XPR1: variants seen among roughly 807,000 people sequenced by gnomAD.
The protein encoded by XPR1 is solute carrier family 53 member 1.
In XPR1, 28 loss-of-function variants were observed where a neutral mutation model predicts 87.5. The ratio of observed to expected loss-of-function variants is 0.32; its 90% CI spans 0.24 to 0.44. The LOEUF (loss-of-function observed/expected upper bound fraction) is 0.44, where lower values mean the gene tolerates loss of function less well. Ranked by LOEUF, XPR1 falls within the 20% of genes least tolerant of loss-of-function variation. XPR1 has a pLI of 1.00. For synonymous variants in XPR1, 300 were observed against 306.1 expected, an observed-to-expected ratio of 0.98 and a Z score of 0.21; for missense variants, 559 against 862.3, an observed-to-expected ratio of 0.65 and a Z score of 4.41.
At chr1:180,674,107 A>G (rs1373132776) in intron 1 of XPR1, among the ~76,000 whole-genome samples, 3 of 152,210 alleles carry the variant, frequency 2.0e-5, no homozygotes, top group Admixed American at 6.5e-5. Context: ...CATGAATCAA[A>G]CTTAATATTG....
At chr1:180,703,305 G>A (rs1488479443) in intron 2 of XPR1, among the ~76,000 whole-genome samples, 1 of 152,130 alleles carries the variant, frequency 6.6e-6, no homozygotes, top group Non-Finnish European at 1.5e-5. Flanking sequence ...AGCAGTGGTG[G>A]TGATGGGTGG....
At chr1:180,844,008 C>T (rs199500426) in intron 11 of XPR1, among the ~76,000 whole-genome samples, 2 of 151,910 alleles carry the variant, frequency 1.3e-5, no homozygotes, top group Non-Finnish European at 2.9e-5. Context: ...GTCAGGAGTT[C>T]GAGACCAGCC....
chr1:180,669,968 G>A (rs1010931582), intron 1 of XPR1, among the ~76,000 whole-genome samples: 2 of 152,070 alleles, frequency 1.3e-5, no homozygotes, highest in Non-Finnish European at 2.9e-5. Context: ...TGTATGAGGG[G>A]TGACTACTGT....
intron 12 of XPR1, among the ~76,000 whole-genome samples, chr1:180,864,296 C>T (rs1050126172): frequency 6.6e-6 from 1 of 152,126 alleles, no homozygotes; most frequent in African/African-American, 2.4e-5. Flanking sequence ...TTACTTTCTC[C>T]AAGAAGCCTT....
intron 7 of XPR1, among the ~76,000 whole-genome samples, chr1:180,815,895 T>G (rs1650390302): frequency 6.6e-6 from 1 of 152,196 alleles, no homozygotes; most frequent in South Asian, 2.1e-4. Flanking sequence ...TTAAGCCGTT[T>G]TGTTTCTAGA....
At chr1:180,852,605 A>G (rs370871560) in intron 11 of XPR1, among the ~76,000 whole-genome samples, 39 of 152,264 alleles carry the variant, frequency 2.6e-4, no homozygotes, top group Non-Finnish European at 4.3e-4. Flanking sequence ...CAGGAGTGCA[A>G]TGGTGTAATC....
intron 2 of XPR1, among the ~76,000 whole-genome samples, chr1:180,734,267 A>C (rs1007616004): frequency 2.6e-5 from 4 of 152,220 alleles, no homozygotes; most frequent in Non-Finnish European, 5.9e-5. Flanking sequence ...GCAGGGAAGA[A>C]GGCTTTAATC....
intron 7 of XPR1, 67 bp from the exon 8 acceptor site, chr1:180,824,686 C>A: frequency 7.2e-7 from 1 of 1,379,960 alleles, no homozygotes; most frequent in African/African-American, 1.5e-5. Context: ...AGAATGAAGA[C>A]AAAAGATTAT....
chr1:180,718,241 G>A (rs1658063440), intron 2 of XPR1, among the ~76,000 whole-genome samples: 1 of 152,134 alleles, frequency 6.6e-6, no homozygotes, highest in Non-Finnish European at 1.5e-5. Flanking sequence ...CAATACATGG[G>A]AATGGGTTTG....
At chr1:180,863,416 C>T (rs139109846) in intron 11 of XPR1, among the ~76,000 whole-genome samples, 1 of 152,272 alleles carries the variant, frequency 6.6e-6, no homozygotes, top group African/African-American at 2.4e-5. Context: ...TAACATTCGA[C>T]GCCTTCATTG....
At chr1:180,640,288 T>G (rs1167410705) in intron 1 of XPR1, among the ~76,000 whole-genome samples, 1 of 152,192 alleles carries the variant, frequency 6.6e-6, no homozygotes, top group Non-Finnish European at 1.5e-5. Flanking sequence ...TAACAGCAGC[T>G]GTTATTTTTT....
intron 2 of XPR1, among the ~76,000 whole-genome samples, chr1:180,725,361 A>G (rs10914082): frequency 0.043 from 6,552 of 152,230 alleles, 505 homozygotes; most frequent in African/African-American, 0.15. Flanking sequence ...GTATAGGGAC[A>G]GGGAGTAAAG....
chr1:180,791,496 C>T (rs761187305), intron 3 of XPR1, among the ~76,000 whole-genome samples: 5 of 152,002 alleles, frequency 3.3e-5, no homozygotes, highest in Non-Finnish European at 5.9e-5. Flanking sequence ...AGGGTGGTCT[C>T]GAACTCCTGA....
intron 6 of XPR1, among the ~76,000 whole-genome samples, chr1:180,809,759 T>C (rs1303899178): frequency 6.6e-6 from 1 of 152,196 alleles, no homozygotes; most frequent in Non-Finnish European, 1.5e-5. Flanking sequence ...ATAGTAGTTA[T>C]AGATTCACTT....
chr1:180,690,290 C>T (rs1270475559), intron 2 of XPR1, among the ~76,000 whole-genome samples: 1 of 151,988 alleles, frequency 6.6e-6, no homozygotes, highest in Non-Finnish European at 1.5e-5. Flanking sequence ...GGTGAATTTA[C>T]ACCAGTTCCT....
intron 2 of XPR1, among the ~76,000 whole-genome samples, chr1:180,709,404 A>C (rs1032527216): frequency 3.3e-5 from 5 of 152,218 alleles, no homozygotes; most frequent in African/African-American, 1.2e-4. Flanking sequence ...GAACATATCC[A>C]TCACCCCCAA....
intron 13 of XPR1, among the ~76,000 whole-genome samples, chr1:180,876,845 C>T (rs1652680445): frequency 6.6e-6 from 1 of 152,210 alleles, no homozygotes; most frequent in African/African-American, 2.4e-5. Flanking sequence ...AGTGTGTCTG[C>T]TGTTCCCACT....
intron 2 of XPR1, among the ~76,000 whole-genome samples, chr1:180,756,884 G>C (rs891991545): frequency 6.6e-6 from 1 of 152,126 alleles, no homozygotes; most frequent in African/African-American, 2.4e-5. Context: ...ATATTCAGTT[G>C]TCCCACCACC....
chr1:180,796,514 T>C (rs1362826263), intron 3 of XPR1, among the ~76,000 whole-genome samples: 1 of 152,156 alleles, frequency 6.6e-6, no homozygotes, highest in Admixed American at 6.6e-5. Flanking sequence ...AAATGTTGAT[T>C]TCTTCATCAT....
Sources: allele counts gnomAD v4.1 joint callset (sites outside exome capture counted in the v4.1 genomes callset), GRCh38; gene constraint gnomAD v4.1.1; transcripts MANE v1.5; gene names NCBI Gene and HGNC (gene_info 2026-07-23, HGNC 2026-07-21).